CRK: variants seen among roughly 807,000 people sequenced by gnomAD.
The protein encoded by CRK is adapter molecule crk.
In CRK, 4 loss-of-function variants were observed where a neutral mutation model predicts 29.8. That is an observed-to-expected ratio of 0.13 (90% CI 0.07 to 0.31). The LOEUF (loss-of-function observed/expected upper bound fraction) is 0.31. Among genes scored for constraint, CRK ranks in the 10% least tolerant of loss-of-function variants. CRK has a pLI of 1.00. For missense variants in CRK, 274 were observed against 396.5 expected, an observed-to-expected ratio of 0.69 and a Z score of 2.62; for synonymous variants, 153 against 164.9, an observed-to-expected ratio of 0.93 and a Z score of 0.55.
At chr17:1,435,477 AAAG>A (rs1319258359) in intron 2 of CRK, among the ~76,000 whole-genome samples, 1 of 152,138 alleles carries the variant, frequency 6.6e-6, no homozygotes, top group Non-Finnish European at 1.5e-5. Flanking sequence ...GAAAAAAAAA[AAAG>A]AAAATAAAAA....
chr17:1,434,234 C>T (rs2073869950), intron 2 of CRK, among the ~76,000 whole-genome samples: 1 of 152,128 alleles, frequency 6.6e-6, no homozygotes, highest in African/African-American at 2.4e-5. Context: ...TCAGCCTTAA[C>T]AATTCACCTG....
intron 1 of CRK, among the ~76,000 whole-genome samples, chr17:1,441,498 T>C (rs1409169028): frequency 6.8e-6 from 1 of 147,720 alleles, no homozygotes; most frequent in Non-Finnish European, 1.5e-5. Flanking sequence ...ACCCAGCTGA[T>C]TTTTTTTTTT....
intron 1 of CRK, among the ~76,000 whole-genome samples, chr17:1,446,652 C>T (rs373210290): frequency 3.3e-4 from 46 of 140,122 alleles, no homozygotes; most frequent in East Asian, 1.9e-3. Flanking sequence ...ACTGCAGTGG[C>T]GCCATCTCGG....
intron 2 of CRK, among the ~76,000 whole-genome samples, chr17:1,424,202 G>C (rs2073754827): frequency 6.6e-6 from 1 of 151,994 alleles, no homozygotes; most frequent in Non-Finnish European, 1.5e-5. Context: ...GAGTAGCTGG[G>C]ACTACAGGCG....
At chr17:1,444,897 C>A (rs1316512403) in intron 1 of CRK, among the ~76,000 whole-genome samples, 1 of 151,854 alleles carries the variant, frequency 6.6e-6, no homozygotes, top group Non-Finnish European at 1.5e-5. Flanking sequence ...GCCTGTAATC[C>A]CAGCACTCTG....
chr17:1,446,229 C>G (rs1156537899), intron 1 of CRK, among the ~76,000 whole-genome samples: 1 of 152,222 alleles, frequency 6.6e-6, no homozygotes, highest in South Asian at 2.1e-4. Flanking sequence ...AGGAAGACAA[C>G]CTCCCACCCG....
At chr17:1,440,743 CAAAA>C (rs969829463) in intron 1 of CRK, among the ~76,000 whole-genome samples, 1 of 151,660 alleles carries the variant, frequency 6.6e-6, no homozygotes, top group Admixed American at 6.6e-5. Context: ...AACAAACAAA[CAAAA>C]AAACCATTAG....
At chr17:1,452,275 T>C (rs2074023776) in intron 1 of CRK, among the ~76,000 whole-genome samples, 1 of 152,178 alleles carries the variant, frequency 6.6e-6, no homozygotes, top group African/African-American at 2.4e-5. Context: ...CTTATCTCAC[T>C]AGATTGTCCT....
rs766110674 is a variant in CRK at position 1,423,683 on chromosome 17, T to G, written c.778-33A>C. On this transcript the variant is annotated intron_variant, in intron 2 of 2. Coordinates refer to ENST00000300574, the MANE Select transcript of CRK (RefSeq NM_016823.4). ...AGGAGAATAAGGAGAGCACTTTATTTCCAGGTAGGAATGCAAGCTGAACAA... is the reference window on the plus strand; with the variant it reads ...AGGAGAATAAGGAGAGCACTTTATTGCCAGGTAGGAATGCAAGCTGAACAA... 4 of 1,611,176 alleles carry G rather than the reference T, an allele frequency of 2.5e-6. No individual in the cohort carries two copies. In the Admixed American group the frequency reaches 6.7e-5, roughly 27 times the overall value.
At chr17:1,446,553 T>G (rs558303768) in intron 1 of CRK, among the ~76,000 whole-genome samples, 1 of 150,312 alleles carries the variant, frequency 6.7e-6, no homozygotes, top group African/African-American at 2.4e-5. Flanking sequence ...CTCTTCTTGG[T>G]CAAATGCCAC....
At chr17:1,451,777 G>C (rs1181460152) in intron 1 of CRK, among the ~76,000 whole-genome samples, 1 of 151,042 alleles carries the variant, frequency 6.6e-6, no homozygotes, top group Non-Finnish European at 1.5e-5. Context: ...TCAGGAGTTC[G>C]AGACCAGCCT....
intron 1 of CRK, among the ~76,000 whole-genome samples, chr17:1,451,752 G>C (rs893727657): frequency 6.6e-6 from 1 of 151,738 alleles, no homozygotes; most frequent in African/African-American, 2.4e-5. Context: ...GCCGAGGTGG[G>C]CGGATCACCT....
intron 1 of CRK, among the ~76,000 whole-genome samples, chr17:1,446,605 T>C (rs1003680704): frequency 2.7e-5 from 4 of 150,924 alleles, no homozygotes; most frequent in African/African-American, 9.7e-5. Context: ...TTTTTTTTTT[T>C]TTTTGAGGCG....
At chr17:1,430,652 A>T (rs889485695) in intron 2 of CRK, among the ~76,000 whole-genome samples, 1 of 149,124 alleles carries the variant, frequency 6.7e-6, no homozygotes, top group African/African-American at 2.5e-5. Flanking sequence ...GGCGTGAGCC[A>T]CCACACCCAG....
intron 1 of CRK, among the ~76,000 whole-genome samples, chr17:1,452,592 A>G (rs1037037133): frequency 6.6e-6 from 1 of 152,198 alleles, no homozygotes; most frequent in Non-Finnish European, 1.5e-5. Context: ...GTTCGAGACC[A>G]GCCTGGCCAA....
chr17:1,435,905 G>A (rs761442438), intron 2 of CRK, among the ~76,000 whole-genome samples: 1 of 152,100 alleles, frequency 6.6e-6, no homozygotes, highest in African/African-American at 2.4e-5. Flanking sequence ...AAAGGAAGGA[G>A]GTAGGAGAGC....
At chr17:1,449,670 T>C (rs1418780010) in intron 1 of CRK, among the ~76,000 whole-genome samples, 1 of 152,112 alleles carries the variant, frequency 6.6e-6, no homozygotes, top group Non-Finnish European at 1.5e-5. Context: ...AAGGTTTAGC[T>C]GTTCAAGAGA....
chr17:1,433,949 C>A (rs568031040), intron 2 of CRK, among the ~76,000 whole-genome samples: 2 of 151,796 alleles, frequency 1.3e-5, no homozygotes, highest in African/African-American at 4.8e-5. Flanking sequence ...ATCCTCCCAC[C>A]TCAGCCTCCG....
chr17:1,445,142 C>T (rs1176895506), intron 1 of CRK, among the ~76,000 whole-genome samples: 6 of 108,860 alleles, frequency 5.5e-5, no homozygotes, highest in South Asian at 6.3e-4. Context: ...AGCGAGACAC[C>T]GTCAAAAAAA....
Sources: allele counts gnomAD v4.1 joint callset (sites outside exome capture counted in the v4.1 genomes callset), GRCh38; gene constraint gnomAD v4.1.1; transcripts MANE v1.5; gene names NCBI Gene and HGNC (gene_info 2026-07-23, HGNC 2026-07-21).